FOXJ3: variants seen among roughly 807,000 people sequenced by gnomAD.
FOXJ3 encodes the protein forkhead box J3.
Under a neutral mutation model 76.1 loss-of-function variants are expected in FOXJ3, and 22 were observed. That is an observed-to-expected ratio of 0.29 (90% CI 0.21 to 0.41). The LOEUF (loss-of-function observed/expected upper bound fraction) is 0.41, where lower values mean the gene tolerates loss of function less well. Among genes scored for constraint, FOXJ3 ranks in the 10% least tolerant of loss-of-function variants. The pLI, the probability that FOXJ3 is intolerant of heterozygous loss-of-function variation, is 1.00. For missense variants in FOXJ3, 613 were observed against 762.1 expected (o/e 0.80, Z 2.30); for synonymous variants, 269 against 261.2 (o/e 1.03, Z -0.29).
chr1:42,334,265 T>C, intron 1 of FOXJ3: 1 of 217,466 alleles, frequency 4.6e-6, no homozygotes, highest in Non-Finnish European at 7.8e-6. Context: ...CTGGCCTCAA[T>C]TTCAGAGTAC....
At chr1:42,237,427 T>TATATATATATATATATAC (rs1166082659) in intron 4 of FOXJ3, among the ~76,000 whole-genome samples, 44 of 129,916 alleles carry the variant, frequency 3.4e-4, no homozygotes, top group Admixed American at 1.5e-3. Flanking sequence ...TATATATATA[T>TATATATATATATATATAC]ACATACATAC....
At chr1:42,244,654 GAA>G (rs149587736) in intron 4 of FOXJ3, among the ~76,000 whole-genome samples, 1 of 144,960 alleles carries the variant, frequency 6.9e-6, no homozygotes, top group African/African-American at 2.6e-5. Context: ...CACTAATCAA[GAA>G]AAAAAAAAAG....
At chr1:42,249,488 A>G (rs1035261213) in intron 4 of FOXJ3, among the ~76,000 whole-genome samples, 2 of 152,194 alleles carry the variant, frequency 1.3e-5, no homozygotes, top group Admixed American at 1.3e-4. Context: ...TCTGGCCCCA[A>G]CCTACTGATC....
At chr1:42,221,103 G>C (rs1438068039) in intron 5 of FOXJ3, among the ~76,000 whole-genome samples, 1 of 152,146 alleles carries the variant, frequency 6.6e-6, no homozygotes, top group Non-Finnish European at 1.5e-5. Flanking sequence ...TTTAATGCTT[G>C]CCATTATAGA....
At position 42,320,546 on chromosome 1, in the gene FOXJ3, G is replaced by A. The variant is rs935856898; in HGVS notation, c.-17-9436C>T. Among the ~76,000 whole-genome samples, 11 of 152,092 alleles carry A rather than the reference G, an allele frequency of 7.2e-5. No individual in the cohort carries two copies. The Middle Eastern group carries it at 0.01, about 141-fold the overall frequency. On this transcript the variant is annotated intron_variant, in intron 1 of 12. Coordinates refer to ENST00000361346, the MANE Select transcript of FOXJ3 (RefSeq NM_014947.5). ...AAGGTATATGAAATTAGATCACACCGTATGTTTAAATACTGAAATTATACA... is the reference window on the plus strand; with the variant it reads ...AAGGTATATGAAATTAGATCACACCATATGTTTAAATACTGAAATTATACA...
intron 3 of FOXJ3, among the ~76,000 whole-genome samples, chr1:42,273,637 T>TG (rs1367390278): frequency 7.6e-6 from 1 of 131,222 alleles, no homozygotes; most frequent in Non-Finnish European, 1.5e-5. Context: ...ATCACACCAC[T>TG]GCACTCCAGC....
intron 3 of FOXJ3, among the ~76,000 whole-genome samples, chr1:42,265,847 T>C (rs1402206811): frequency 1.3e-5 from 2 of 152,180 alleles, no homozygotes; most frequent in Non-Finnish European, 2.9e-5. Flanking sequence ...ATCTAAATTC[T>C]TCATTGTAGC....
intron 4 of FOXJ3, among the ~76,000 whole-genome samples, chr1:42,231,911 TA>T (rs376692780): frequency 0.011 from 1,716 of 152,320 alleles, 38 homozygotes; most frequent in African/African-American, 0.04. Flanking sequence ...ACTCGTCATT[TA>T]ACATTAGGTA....
At position 42,178,090 on chromosome 1, in the gene FOXJ3, T is replaced by A. The variant is rs546982263; in HGVS notation, c.*1620A>T. ...TAATCAGTCCATGCAAACTGTGATA[T>A]GATATGAAACAAAACAAACCACCAC... On this transcript the variant is annotated 3_prime_UTR_variant, in exon 13 of 13. Coordinates refer to ENST00000361346, the MANE Select transcript of FOXJ3 (RefSeq NM_014947.5). 6.6e-6 allele frequency: 1 copy of A among 152,448 alleles called. No individual in the cohort carries two copies. The highest frequency in any genetic ancestry group is 1.9e-4 in the East Asian group (1 of 5,168). 9.4% of individuals were successfully genotyped at this position (152,448 alleles called of 1,614,324 possible).
rs138136512 is a variant in FOXJ3, at chr1:42,191,406, C to T, written c.1248G>A (p.Gln416=). ...QHSQLQSPHP[Q]HPSPHQHIQH... is the part of the protein sequence containing the mutation. ...GTATGTGTTGATGTGGAGAGGGATG[C>T]TGGGGGTGAGGGGACTGGAGCTGGC... is the stretch of plus-strand genomic sequence containing the variant. The change falls in exon 9 of 13, where the codon CAG becomes CAA. Residue 416 remains glutamine (Q), a synonymous_variant. Coordinates refer to ENST00000361346, the MANE Select transcript of FOXJ3 (RefSeq NM_014947.5). The T allele has an allele frequency of 1.7e-4, 270 of 1,608,736 alleles. No homozygotes were observed. The highest frequency in any genetic ancestry group is 5.2e-4 in the Admixed American group (31 of 59,928).
chr1:42,245,161 C>T (rs562854826), intron 4 of FOXJ3, among the ~76,000 whole-genome samples: 1,075 of 75,286 alleles, frequency 0.014, 7 homozygotes, highest in Non-Finnish European at 0.022. Context: ...GCCTGAGACT[C>T]GTCTCAAAAA....
At position 42,331,281 on chromosome 1, in the gene FOXJ3, G is replaced by T. The variant is rs564354629; in HGVS notation, c.-18+3778C>A. On this transcript the variant is annotated intron_variant, in intron 1 of 12. Transcript: ENST00000361346. ...CCTGTAATCCCAGCTACTGTGGAGGGTGAGGTGGGAGAATCGCTTGAACCT... is the reference window on the plus strand; with the variant it reads ...CCTGTAATCCCAGCTACTGTGGAGGTTGAGGTGGGAGAATCGCTTGAACCT... Among the ~76,000 whole-genome samples the T allele has an allele frequency of 1.7e-3, 251 of 152,062 alleles. 1 individual carries two copies. Among genetic ancestry groups the T allele is most frequent in the African/African-American group, 5.8e-3 (240 of 41,474 alleles).
chr1:42,191,267 A>G (rs771691648), intron 9 of FOXJ3, 36 bp downstream of exon 9: 7 of 1,514,534 alleles, frequency 4.6e-6, no homozygotes, highest in Admixed American at 4.4e-5. Context: ...CCTAATTCAC[A>G]GTTAGCCAAA....
At chr1:42,215,232 C>T (rs989433472) in intron 5 of FOXJ3, among the ~76,000 whole-genome samples, 4 of 150,652 alleles carry the variant, frequency 2.7e-5, no homozygotes, top group Admixed American at 6.6e-5. Context: ...TATTTATGCT[C>T]AATGAAATAA....
intron 4 of FOXJ3, among the ~76,000 whole-genome samples, chr1:42,237,431 TACATACATATATATATATACAC>T (rs1648763732): frequency 7.0e-6 from 1 of 142,128 alleles, no homozygotes; most frequent in Admixed American, 7.0e-5. Flanking sequence ...TATATATACA[TACATACATATATATATATACAC>T]ATACATACAT....
chr1:42,209,421 A>C (rs1350281905), intron 5 of FOXJ3, among the ~76,000 whole-genome samples: 1 of 152,262 alleles, frequency 6.6e-6, no homozygotes, highest in African/African-American at 2.4e-5. Context: ...GGAACTTAAC[A>C]GAAAAACTGA....
At chr1:42,319,115 G>T (rs1034500377) in intron 1 of FOXJ3, among the ~76,000 whole-genome samples, 1 of 151,990 alleles carries the variant, frequency 6.6e-6, no homozygotes. Context: ...CTGTAGTTCC[G>T]GCTACTCAGG....
intron 1 of FOXJ3, chr1:42,323,743 T>G: frequency 1.1e-6 from 1 of 927,654 alleles, no homozygotes; most frequent in Non-Finnish European, 1.3e-6. Flanking sequence ...TCAAGAGATA[T>G]ATGCTGAATA....
Position 42,238,741 on chromosome 1 carries a change from G to A in FOXJ3, c.445-10775C>T, listed in dbSNP as rs896086196. 8.6e-5 allele frequency among the ~76,000 whole-genome samples: 13 copies of A among 151,972 alleles called. 1 individual carries two copies. Among genetic ancestry groups the A allele is most frequent in the Non-Finnish European group, 1.5e-5 (1 of 67,980 alleles). ...ACCTGGCAAATTTGTCTTCTTCTTT[G>A]TATGTTGCCCAGGCTGGTCTTGAAC... is the stretch of plus-strand genomic sequence containing the variant. On this transcript the variant is annotated intron_variant, in intron 4 of 12. Coordinates refer to ENST00000361346, the MANE Select transcript of FOXJ3 (RefSeq NM_014947.5).
Sources: allele counts gnomAD v4.1 joint callset (sites outside exome capture counted in the v4.1 genomes callset), GRCh38; gene constraint gnomAD v4.1.1; transcripts MANE v1.5; gene names NCBI Gene and HGNC (gene_info 2026-07-23, HGNC 2026-07-21).